CHL1: variants seen among roughly 807,000 people sequenced by gnomAD.
The protein encoded by CHL1 is neural cell adhesion molecule L1-like protein.
Under a neutral mutation model 141.9 loss-of-function variants are expected in CHL1, and 96 were observed. The ratio of observed to expected loss-of-function variants is 0.68; its 90% CI spans 0.57 to 0.80. CHL1 has a LOEUF of 0.80. CHL1 is among the 30% of genes least tolerant of loss of function. The pLI, the probability that CHL1 is intolerant of heterozygous loss-of-function variation, is 0.00. For missense variants in CHL1, 1,820 were observed against 1,457.2 expected, an observed-to-expected ratio of 1.25 and a Z score of -4.05; for synonymous variants, 613 against 502.2, an observed-to-expected ratio of 1.22 and a Z score of -2.95.
chr3:306,547 G>C (rs911984217), intron 2 of CHL1, among the ~76,000 whole-genome samples: 7 of 152,094 alleles, frequency 4.6e-5, no homozygotes, highest in African/African-American at 1.4e-4. Flanking sequence ...ATTGACAAGA[G>C]GGATGTTTCT....
At chr3:375,477 T>G (rs1347169134) in intron 15 of CHL1, among the ~76,000 whole-genome samples, 1 of 151,850 alleles carries the variant, frequency 6.6e-6, no homozygotes, top group Non-Finnish European at 1.5e-5. Flanking sequence ...AGGGGAGAAG[T>G]TGAAGATGCA....
At chr3:254,260 C>T (rs1012101169) in intron 2 of CHL1, among the ~76,000 whole-genome samples, 4 of 152,158 alleles carry the variant, frequency 2.6e-5, no homozygotes, top group East Asian at 1.9e-4. Flanking sequence ...CTCCTGCTTC[C>T]GAACACCCCT....
chr3:379,545 G>A (rs964182989), intron 16 of CHL1, among the ~76,000 whole-genome samples: 1 of 152,108 alleles, frequency 6.6e-6, no homozygotes, highest in African/African-American at 2.4e-5. Context: ...CGTGCGCTTT[G>A]TCCCTAAGTA....
intron 2 of CHL1, among the ~76,000 whole-genome samples, chr3:317,814 A>T (rs1375821697): frequency 6.6e-6 from 1 of 151,936 alleles, no homozygotes; most frequent in African/African-American, 2.4e-5. Context: ...TTTGCTTTTT[A>T]TAATGAAAGC....
intron 2 of CHL1, among the ~76,000 whole-genome samples, chr3:263,818 C>T (rs984979746): frequency 6.6e-6 from 1 of 152,178 alleles, no homozygotes; most frequent in African/African-American, 2.4e-5. Context: ...TTTAATTATG[C>T]CACATATTTT....
chr3:314,074 T>A (rs952980677), intron 2 of CHL1, among the ~76,000 whole-genome samples: 1 of 152,102 alleles, frequency 6.6e-6, no homozygotes, highest in Non-Finnish European at 1.5e-5. Context: ...TTTAAGAAAG[T>A]CTTTTTTTCT....
At chr3:353,778 C>G (rs530426252) in intron 10 of CHL1, among the ~76,000 whole-genome samples, 1 of 152,222 alleles carries the variant, frequency 6.6e-6, no homozygotes, top group South Asian at 2.1e-4. Context: ...GGGGAAATAA[C>G]CAAACTACAC....
chr3:323,399 G>C (rs1263037713), intron 3 of CHL1, among the ~76,000 whole-genome samples: 1 of 152,052 alleles, frequency 6.6e-6, no homozygotes, highest in Non-Finnish European at 1.5e-5. Flanking sequence ...ATGTTTGGAA[G>C]ACACAAAATT....
intron 22 of CHL1, among the ~76,000 whole-genome samples, chr3:391,441 G>A (rs1161700694): frequency 5.3e-5 from 8 of 152,114 alleles, no homozygotes; most frequent in South Asian, 2.1e-4. Flanking sequence ...ACTTGAACCC[G>A]GGAGGCGGAG....
intron 2 of CHL1, among the ~76,000 whole-genome samples, chr3:261,807 C>G (rs1193060896): frequency 6.6e-6 from 1 of 152,090 alleles, no homozygotes; most frequent in African/African-American, 2.4e-5. Context: ...ACAATTGTTA[C>G]TGATTATAAT....
intron 5 of CHL1, among the ~76,000 whole-genome samples, chr3:330,141 A>C (rs1248409637): frequency 6.6e-6 from 1 of 152,140 alleles, no homozygotes; most frequent in South Asian, 2.1e-4. Flanking sequence ...GCTATGAGGA[A>C]AATATCAAAA....
chr3:354,896 A>T, intron 11 of CHL1, 125 bp downstream of exon 11: 2 of 1,184,894 alleles, frequency 1.7e-6, no homozygotes, highest in African/African-American at 3.1e-5. Context: ...ACAACCAGCA[A>T]ATCAGAGATT....
intron 11 of CHL1, among the ~76,000 whole-genome samples, chr3:359,697 G>A (rs1704035450): frequency 1.3e-5 from 2 of 152,146 alleles, no homozygotes; most frequent in Non-Finnish European, 1.5e-5. Flanking sequence ...AGAAAATCTG[G>A]CCCTTTTTCT....
intron 1 of CHL1, among the ~76,000 whole-genome samples, chr3:233,507 G>A (rs1315647223): frequency 3.9e-5 from 6 of 152,014 alleles, no homozygotes; most frequent in Admixed American, 6.6e-5. Flanking sequence ...AAAATGTAAC[G>A]CATGATCATT....
At chr3:391,865 T>A (rs546916072) in intron 23 of CHL1, 68 bp downstream of exon 23, 1 of 1,270,340 alleles carries the variant, frequency 7.9e-7, no homozygotes, top group African/African-American at 1.5e-5. Flanking sequence ...TTCTCTGTGC[T>A]ATGTTGGGAG....
chr3:388,366 G>A (rs1707928704), intron 19 of CHL1, among the ~76,000 whole-genome samples: 1 of 151,462 alleles, frequency 6.6e-6, no homozygotes, highest in South Asian at 2.1e-4. Context: ...TGACCAACAT[G>A]GAGAAACCCT....
intron 2 of CHL1, among the ~76,000 whole-genome samples, chr3:301,542 G>A (rs575969020): frequency 1.3e-5 from 2 of 152,118 alleles, no homozygotes; most frequent in Non-Finnish European, 2.9e-5. Flanking sequence ...GATTTTGGTT[G>A]CTCAGAGAAG....
intron 2 of CHL1, among the ~76,000 whole-genome samples, chr3:278,718 A>G (rs1453974330): frequency 2.6e-5 from 4 of 152,232 alleles, no homozygotes; most frequent in African/African-American, 9.6e-5. Flanking sequence ...TACTGGACAC[A>G]ATGAATAGAC....
At chr3:295,378 C>T (rs540332693) in intron 2 of CHL1, among the ~76,000 whole-genome samples, 78 of 152,296 alleles carry the variant, frequency 5.1e-4, no homozygotes, top group African/African-American at 1.9e-3. Context: ...ATTGCTTACC[C>T]TTTGACTAAT....
Sources: allele counts gnomAD v4.1 joint callset (sites outside exome capture counted in the v4.1 genomes callset), GRCh38; gene constraint gnomAD v4.1.1; transcripts MANE v1.5; gene names NCBI Gene and HGNC (gene_info 2026-07-23, HGNC 2026-07-21).